The following GLI3 variants were observed in gnomAD, a reference collection of about 807,000 sequenced individuals.
GLI3 encodes the protein GLI family zinc finger 3, also known as transcription activator GLI3.
GLI3 carries 20 observed loss-of-function variants against 100.8 expected under a neutral mutation model. The ratio of observed to expected loss-of-function variants is 0.20; its 90% CI spans 0.14 to 0.29. The LOEUF is 0.29. Ranked by LOEUF, GLI3 falls within the 10% of genes least tolerant of loss-of-function variation. The pLI is 1.00. For synonymous variants in GLI3, 938 were observed against 860.5 expected (o/e 1.09, Z -1.58); for missense variants, 2,040 against 2,128.5 (o/e 0.96, Z 0.82).
intron 2 of GLI3, among the ~76,000 whole-genome samples, chr7:42,204,519 A>T (rs1178931965): frequency 1.3e-5 from 2 of 152,220 alleles, no homozygotes; most frequent in African/African-American, 4.8e-5. Context: ...CCAATTATAA[A>T]TATCTTAACA....
chr7:42,257,407 G>A (rs1314376924), intron 1 of GLI3, among the ~76,000 whole-genome samples: 1 of 148,960 alleles, frequency 6.7e-6, no homozygotes, highest in African/African-American at 2.5e-5. Flanking sequence ...CCAGGCTGGA[G>A]TGCAGTGGCT....
chr7:41,985,614 T>G (rs1787798414), intron 10 of GLI3, among the ~76,000 whole-genome samples: 1 of 152,210 alleles, frequency 6.6e-6, no homozygotes, highest in Non-Finnish European at 1.5e-5. Context: ...CAAGAAAGAC[T>G]GAAATGTTTT....
chr7:42,067,250 T>C (rs1331908704), intron 4 of GLI3, among the ~76,000 whole-genome samples: 2 of 152,172 alleles, frequency 1.3e-5, no homozygotes, highest in African/African-American at 2.4e-5. Context: ...TTAGTGTGCA[T>C]AGTATATGTT....
intron 10 of GLI3, among the ~76,000 whole-genome samples, chr7:42,017,476 C>A (rs561329484): frequency 3.0e-4 from 46 of 152,190 alleles, no homozygotes; most frequent in African/African-American, 1.0e-3. Context: ...GTTCACAGCC[C>A]CCCGCCACTC....
intron 1 of GLI3, among the ~76,000 whole-genome samples, chr7:42,229,970 A>G (rs1383348087): frequency 3.3e-5 from 5 of 152,066 alleles, no homozygotes; most frequent in Non-Finnish European, 7.4e-5. Flanking sequence ...TGTGTTCAAA[A>G]TATCTTCTGA....
At chr7:42,095,942 G>GA (rs1370725258) in intron 3 of GLI3, among the ~76,000 whole-genome samples, 2 of 152,180 alleles carry the variant, frequency 1.3e-5, no homozygotes, top group Non-Finnish European at 2.9e-5. Flanking sequence ...GGGATGAGGG[G>GA]AGGAAGCAGA....
chr7:42,090,404 C>G (rs536924232), intron 3 of GLI3, among the ~76,000 whole-genome samples: 2 of 152,194 alleles, frequency 1.3e-5, no homozygotes, highest in Middle Eastern at 3.2e-3. Context: ...TATGGGACCA[C>G]TGTCTTACAT....
Position 42,155,803 on chromosome 7 carries a change from G to A in GLI3, c.125-7335C>T, listed in dbSNP as rs3779160. 2.0e-4 allele frequency among the ~76,000 whole-genome samples: 31 copies of A among 152,296 alleles called. No individual in the cohort carries two copies. In the East Asian group the frequency reaches 5.2e-3, roughly 26 times the overall value. ...CTGCAGCAGAAAGCTTTGATGGCAT[G>A]CAGAGCAAGCTGCCTCCTGTATTTT... On this transcript the variant is annotated intron_variant, in intron 2 of 14. Coordinates refer to ENST00000395925, the MANE Select transcript of GLI3 (RefSeq NM_000168.6).
At chr7:42,233,432 A>G (rs1450522926) in intron 1 of GLI3, among the ~76,000 whole-genome samples, 1 of 152,244 alleles carries the variant, frequency 6.6e-6, no homozygotes, top group Non-Finnish European at 1.5e-5. Context: ...TAGGGGGTTG[A>G]TAAGAACCTC....
chr7:42,058,768 G>T, intron 4 of GLI3, among the ~76,000 whole-genome samples: 1 of 152,192 alleles, frequency 6.6e-6, no homozygotes, highest in East Asian at 1.9e-4. Context: ...AAGTATCACT[G>T]TACAAGAGCA....
chr7:42,097,486 C>G (rs1785365419), intron 3 of GLI3, among the ~76,000 whole-genome samples: 1 of 152,152 alleles, frequency 6.6e-6, no homozygotes. Context: ...GCAGGTGATG[C>G]CTGGGGCCTA....
intron 6 of GLI3, among the ~76,000 whole-genome samples, chr7:42,044,096 AGAG>A (rs897212369): frequency 3.0e-4 from 45 of 152,342 alleles, no homozygotes; most frequent in African/African-American, 1.1e-3. Context: ...CTAAGGCTGT[AGAG>A]TTTTTACCCC....
chr7:42,157,097 A>G (rs1787020327), intron 2 of GLI3, among the ~76,000 whole-genome samples: 1 of 152,242 alleles, frequency 6.6e-6, no homozygotes, highest in African/African-American at 2.4e-5. Flanking sequence ...AAGGAGCTAG[A>G]GGCCACATGA....
chr7:41,965,767 G>C lies in GLI3; in HGVS notation c.3306C>G (p.Ser1102=). ...LPDDVVQYLN[S]QNQAGYEQHF... ...GCTGCTCGTACCCTGCTTGGTTCTG[G>C]GAATTTAAATACTGCACCACGTCGT... Residue 1102 remains serine (S), a synonymous_variant, in exon 15 of 15, where the codon TCC becomes TCG. Coordinates refer to ENST00000395925, the MANE Select transcript of GLI3 (RefSeq NM_000168.6). The C allele has an allele frequency of 1.2e-6, 2 of 1,613,444 alleles. No homozygotes were observed. Among genetic ancestry groups the C allele is most frequent in the Non-Finnish European group, 1.7e-6 (2 of 1,179,962 alleles).
At chr7:42,174,827 G>A (rs1169696914) in intron 2 of GLI3, among the ~76,000 whole-genome samples, 1 of 152,098 alleles carries the variant, frequency 6.6e-6, no homozygotes, top group Non-Finnish European at 1.5e-5. Flanking sequence ...CTCCAGCTCG[G>A]GCAAGTCACT....
At chr7:42,240,551 C>G (rs541141279), upstream of GLI3, among the ~76,000 whole-genome samples, 2 of 152,138 alleles carry the variant, frequency 1.3e-5, no homozygotes, top group African/African-American at 4.8e-5. Context: ...CTGGGTGTCC[C>G]GTGGCTTGCA....
chr7:41,988,154 G>A (rs770434977), intron 10 of GLI3, among the ~76,000 whole-genome samples: 69 of 152,168 alleles, frequency 4.5e-4, no homozygotes, highest in Admixed American at 1.3e-3. Context: ...AATCACCAGT[G>A]TGGGTGTATT....
chr7:42,157,328 A>G (rs1318157567), intron 2 of GLI3, among the ~76,000 whole-genome samples: 1 of 152,256 alleles, frequency 6.6e-6, no homozygotes, highest in Admixed American at 6.5e-5. Context: ...GTTAGCCACA[A>G]AAGTCTGTAC....
intron 3 of GLI3, among the ~76,000 whole-genome samples, chr7:42,107,575 G>C (rs775625205): frequency 6.6e-6 from 1 of 152,202 alleles, no homozygotes; most frequent in African/African-American, 2.4e-5. Flanking sequence ...GCGATGCAGA[G>C]GGGCCAGAGA....
Sources: allele counts gnomAD v4.1 joint callset (sites outside exome capture counted in the v4.1 genomes callset), GRCh38; gene constraint gnomAD v4.1.1; transcripts MANE v1.5; gene names NCBI Gene and HGNC (gene_info 2026-07-23, HGNC 2026-07-21).